SLC12A3: variants seen among roughly 807,000 people sequenced by gnomAD.
SLC12A3 encodes solute carrier family 12 member 3.
A neutral mutation model predicts 121.0 loss-of-function variants in SLC12A3; 104 were observed. The ratio of observed to expected loss-of-function variants is 0.86; its 90% CI spans 0.73 to 1.01. SLC12A3 has a LOEUF of 1.01. Ranked by LOEUF, SLC12A3 falls within the 50% of genes least tolerant of loss-of-function variation. SLC12A3 has a pLI of 0.00. For synonymous variants in SLC12A3, 536 were observed against 533.4 expected (o/e 1.00, Z -0.07); for missense variants, 1,328 against 1,356.3 (o/e 0.98, Z 0.33).
chr16:56,886,903 G>T (rs757149169), intron 16 of SLC12A3, 50 bp from the exon 17 acceptor site: 3 of 1,611,634 alleles, frequency 1.9e-6, no homozygotes, highest in Non-Finnish European at 2.5e-6. Flanking sequence ...TGAATCTCAG[G>T]CTGGAGGGTG....
intron 25 of SLC12A3, among the ~76,000 whole-genome samples, chr16:56,910,836 G>A (rs2055675553): frequency 6.6e-6 from 1 of 152,220 alleles, no homozygotes; most frequent in South Asian, 2.1e-4. Context: ...GTGGCTAAGA[G>A]ATGTAATTCT....
intron 22 of SLC12A3, among the ~76,000 whole-genome samples, chr16:56,898,253 GGTTTTGTTTTGTTTTGTTTT>G (rs71381143): frequency 6.6e-6 from 1 of 151,442 alleles, no homozygotes; most frequent in Non-Finnish European, 1.5e-5. Context: ...AGTTTGATTT[GGTTTTGTTTTGTTTTGTTTT>G]GTTTTGTTTT....
intron 8 of SLC12A3, 82 bp downstream of exon 8, chr16:56,872,868 T>A (rs1443257429): frequency 6.4e-7 from 1 of 1,567,538 alleles, no homozygotes; most frequent in Non-Finnish European, 8.7e-7. Flanking sequence ...TCTAGTGGCA[T>A]CTGCCGCTGA....
chr16:56,866,300 A>T (rs1396754028), intron 1 of SLC12A3, among the ~76,000 whole-genome samples: 1 of 152,126 alleles, frequency 6.6e-6, no homozygotes, highest in East Asian at 1.9e-4. Flanking sequence ...ATTGTTCTTG[A>T]TTCTGAGGCT....
chr16:56,872,880 C>G, intron 8 of SLC12A3, 94 bp downstream of exon 8: 3 of 1,525,204 alleles, frequency 2.0e-6, no homozygotes, highest in Non-Finnish European at 2.7e-6. Flanking sequence ...TGCCGCTGAC[C>G]TGGGAGGCAG....
In SLC12A3 at chr16:56,886,384, C is replaced by T. The variant is rs145337602; in HGVS notation, c.1946C>T (p.Thr649Met). 2.8e-5 allele frequency: 45 copies of T among 1,613,896 alleles called. No individual in the cohort carries two copies. Among genetic ancestry groups the T allele is most frequent in the African/African-American group, 2.7e-4 (20 of 74,944 alleles). ...CTCAGCCCCCAGTGCCTGGTGCTCA[C>T]GGGGCCCCCCAACTTCCGCCCGGCC... The part of the protein sequence containing the change: ...KNYRPQCLVL[T>M]GPPNFRPALV... Residue 649 changes from threonine (T) to methionine (M), a missense_variant, in exon 16 of 26, where the codon ACG becomes ATG. Physicochemically the swap from Thr to Met is moderately conservative, Grantham distance 81 (BLOSUM62 -1). Coordinates refer to ENST00000563236, the MANE Select transcript of SLC12A3 (RefSeq NM_001126108.2).
At position 56,869,725 on chromosome 16, in the gene SLC12A3, GCAGTCCTGACC is replaced by G. The variant is rs748998112; in HGVS notation, c.506-3_513del. On this transcript the variant is annotated splice_acceptor_variant and splice_polypyrimidine_tract_variant and coding_sequence_variant and intron_variant, in exon 4 of 26. Transcript: ENST00000563236. LOFTEE classifies it high-confidence loss of function. ...CCTGCCTAAGCTTTGGGTGCCCCCT[GCAGTCCTGACC>G]TGGATCATCATCCTGCTGTCGGTCA... 6.2e-7 allele frequency: 1 copy of G among 1,613,782 alleles called. No homozygotes were observed. The highest frequency in any genetic ancestry group is 8.5e-7 in the Non-Finnish European group (1 of 1,179,742).
intron 12 of SLC12A3, among the ~76,000 whole-genome samples, chr16:56,882,100 G>C (rs2055248424): frequency 6.6e-6 from 1 of 151,844 alleles, no homozygotes; most frequent in East Asian, 1.9e-4. Context: ...GGTCAAAACA[G>C]TGTGACAGCC....
At chr16:56,873,703 A>AT (rs1311077344) in intron 8 of SLC12A3, among the ~76,000 whole-genome samples, 1,109 of 99,072 alleles carry the variant, frequency 0.011, 15 homozygotes, top group African/African-American at 0.035. Flanking sequence ...TATTTATTTT[A>AT]TTTTATTTTT....
At chr16:56,881,444 T>TC (rs11378837) in intron 12 of SLC12A3, among the ~76,000 whole-genome samples, 20,996 of 150,080 alleles carry the variant, frequency 0.14, 1,804 homozygotes, top group East Asian at 0.4. Context: ...TCCTTTCATC[T>TC]GGGGGGGGGT....
intron 25 of SLC12A3, 128 bp from the exon 26 acceptor site, chr16:56,913,136 C>A: frequency 8.1e-7 from 1 of 1,233,578 alleles, no homozygotes; most frequent in Non-Finnish European, 1.2e-6. Context: ...GGAGGTCATT[C>A]TTAGGGTGGG....
rs1350822669 is a variant in SLC12A3 at position 56,887,005 on chromosome 16, C to G, written c.2090C>G (p.Thr697Ser). The G allele has an allele frequency of 1.2e-6, 2 of 1,613,858 alleles. No homozygotes were observed. Among genetic ancestry groups the G allele is most frequent in the Non-Finnish European group, 1.7e-6 (2 of 1,179,960 alleles). The change falls in exon 17 of 26, where the codon ACC becomes AGC. Residue 697 changes from threonine (T) to serine (S), a missense_variant. Transcript: ENST00000563236. ...CTCCAGCTCATCGCCAACGGGCACA[C>G]CAAGTGGCTGAACAAGAGGAAGATC... ...PELQLIANGHTKWLNKRKIKA... is the reference protein window; with the variant it reads ...PELQLIANGHSKWLNKRKIKA...
intron 23 of SLC12A3, among the ~76,000 whole-genome samples, chr16:56,901,359 T>TTTTTTTTTTTTTTG (rs1425567383): frequency 6.6e-6 from 1 of 150,814 alleles, no homozygotes. Context: ...TTTTTTTTTT[T>TTTTTTTTTTTTTTG]GAGACAGTCT....
intron 20 of SLC12A3, 39 bp downstream of exon 20, chr16:56,892,172 C>A: frequency 6.2e-7 from 1 of 1,606,880 alleles, no homozygotes; most frequent in South Asian, 1.1e-5. Context: ...TCAGTGTTCC[C>A]ACTCAGAGCT....
chr16:56,867,258 G>A, intron 2 of SLC12A3, 42 bp downstream of exon 2: 8 of 1,569,468 alleles, frequency 5.1e-6, no homozygotes, highest in Non-Finnish European at 6.9e-6. Flanking sequence ...AGAAATGGGG[G>A]TGGGGTGGCA....
At chr16:56,887,331 A>C (rs1178973282) in intron 17 of SLC12A3, among the ~76,000 whole-genome samples, 1 of 151,960 alleles carries the variant, frequency 6.6e-6, no homozygotes, top group Non-Finnish European at 1.5e-5. Flanking sequence ...CAGCCTCCTG[A>C]GTAACTGGGA....
intron 17 of SLC12A3, among the ~76,000 whole-genome samples, chr16:56,887,357 A>T (rs2055328405): frequency 6.6e-6 from 1 of 151,932 alleles, no homozygotes; most frequent in East Asian, 1.9e-4. Context: ...GGCACCCACC[A>T]CCACACCCGG....
At chr16:56,867,345 T>C in intron 2 of SLC12A3, 129 bp downstream of exon 2, 1 of 938,360 alleles carries the variant, frequency 1.1e-6, no homozygotes. Flanking sequence ...ATGAATTCAA[T>C]GAGTTAATAG....
chr16:56,903,060 A>T (rs1275538431), intron 24 of SLC12A3, among the ~76,000 whole-genome samples: 3 of 151,890 alleles, frequency 2.0e-5, no homozygotes, highest in Admixed American at 2.0e-4. Context: ...GAGGCAGGAG[A>T]ATCGCTTGAA....
Sources: allele counts gnomAD v4.1 joint callset (sites outside exome capture counted in the v4.1 genomes callset), GRCh38; gene constraint gnomAD v4.1.1; transcripts MANE v1.5; gene names NCBI Gene and HGNC (gene_info 2026-07-23, HGNC 2026-07-21).